FYN: variants seen among roughly 807,000 people sequenced by gnomAD.
The protein encoded by FYN is tyrosine-protein kinase Fyn.
FYN carries 10 observed loss-of-function variants against 70.2 expected under a neutral mutation model. The observed-to-expected ratio is 0.14, with a 90% CI of 0.09 to 0.24. The LOEUF (loss-of-function observed/expected upper bound fraction) is 0.24. Among genes scored for constraint, FYN ranks in the 10% least tolerant of loss-of-function variants. The pLI, the probability that FYN is intolerant of heterozygous loss-of-function variation, is 1.00. For synonymous variants in FYN, 236 were observed against 248.6 expected (o/e 0.95, Z 0.48); for missense variants, 319 against 673.1 (o/e 0.47, Z 5.82).
At chr6:111,762,637 A>G (rs1425180213) in intron 3 of FYN, among the ~76,000 whole-genome samples, 1 of 152,120 alleles carries the variant, frequency 6.6e-6, no homozygotes, top group Non-Finnish European at 1.5e-5. Context: ...ACCCTAACAT[A>G]TATTTCCCTG....
chr6:111,700,916 C>T (rs78077038), intron 8 of FYN, among the ~76,000 whole-genome samples: 7,815 of 151,588 alleles, frequency 0.052, 598 homozygotes, highest in African/African-American at 0.17. Context: ...GTGATTTCTT[C>T]GCTTTCTAAC....
At chr6:111,693,377 A>G (rs546854459) in intron 12 of FYN, among the ~76,000 whole-genome samples, 42 of 152,224 alleles carry the variant, frequency 2.8e-4, no homozygotes, top group Middle Eastern at 3.4e-3. Flanking sequence ...ACCAACAATG[A>G]AAGTTCCCCC....
At chr6:111,839,167 A>G in intron 2 of FYN, among the ~76,000 whole-genome samples, 1 of 152,064 alleles carries the variant, frequency 6.6e-6, no homozygotes, top group Middle Eastern at 3.2e-3. Flanking sequence ...ACAGCCACCT[A>G]TAGAAGAGTT....
At chr6:111,737,540 G>T (rs1261331782) in intron 3 of FYN, among the ~76,000 whole-genome samples, 2 of 152,206 alleles carry the variant, frequency 1.3e-5, no homozygotes, top group Admixed American at 1.3e-4. Flanking sequence ...GAAGGAAAGG[G>T]CGTGGAGCGT....
At chr6:111,828,011 C>T (rs1307687361) in intron 2 of FYN, among the ~76,000 whole-genome samples, 1 of 152,198 alleles carries the variant, frequency 6.6e-6, no homozygotes, top group African/African-American at 2.4e-5. Flanking sequence ...ATGGCCGCTT[C>T]ACTCCGTGTC....
At chr6:111,796,053 T>C (rs1771794590) in intron 2 of FYN, among the ~76,000 whole-genome samples, 1 of 152,262 alleles carries the variant, frequency 6.6e-6, no homozygotes, top group Admixed American at 6.5e-5. Context: ...GCTTAGACTC[T>C]ATCACTATTT....
chr6:111,761,035 T>C (rs1307977145), intron 3 of FYN, among the ~76,000 whole-genome samples: 1 of 152,180 alleles, frequency 6.6e-6, no homozygotes, highest in Admixed American at 6.5e-5. Flanking sequence ...CATTGTGAGA[T>C]GATGAAACTG....
chr6:111,733,862 C>A (rs970603607), intron 3 of FYN, among the ~76,000 whole-genome samples: 1 of 152,034 alleles, frequency 6.6e-6, no homozygotes, highest in East Asian at 1.9e-4. Flanking sequence ...CTGAGGTGGG[C>A]GGAATACTTG....
At chr6:111,687,650 G>C (rs947537336) in intron 12 of FYN, among the ~76,000 whole-genome samples, 1 of 151,876 alleles carries the variant, frequency 6.6e-6, no homozygotes, top group African/African-American at 2.4e-5. Flanking sequence ...GTCAGAGAGA[G>C]AGAGAGAGAG....
intron 13 of FYN, among the ~76,000 whole-genome samples, chr6:111,662,795 C>A (rs1043961199): frequency 6.6e-6 from 1 of 152,136 alleles, no homozygotes; most frequent in Non-Finnish European, 1.5e-5. Context: ...ACTGTCTGGC[C>A]CTGCAACCCC....
At chr6:111,872,877 G>GGCGGGGGCGGCGTGC (rs1174171598) in intron 1 of FYN, 91 bp downstream of exon 1, 12 of 151,144 alleles carry the variant, frequency 7.9e-5, no homozygotes, top group Admixed American at 7.3e-4. Context: ...CGGGCCCTGC[G>GGCGGGGGCGGCGTGC]GCGGGGGCGG....
At chr6:111,664,414 G>C (rs145214443) in intron 13 of FYN, among the ~76,000 whole-genome samples, 1 of 152,064 alleles carries the variant, frequency 6.6e-6, no homozygotes, top group Non-Finnish European at 1.5e-5. Flanking sequence ...TCCACAGAGC[G>C]CATGTCAGTA....
chr6:111,703,387 T>C (rs1219933443), intron 7 of FYN, among the ~76,000 whole-genome samples: 2 of 152,188 alleles, frequency 1.3e-5, no homozygotes, highest in Non-Finnish European at 1.5e-5. Context: ...TTGCTTCCCT[T>C]GTCTTCTCTA....
chr6:111,829,954 G>A (rs1371440248), intron 2 of FYN, among the ~76,000 whole-genome samples: 1 of 152,182 alleles, frequency 6.6e-6, no homozygotes, highest in Admixed American at 6.5e-5. Flanking sequence ...AGAAGATGAG[G>A]CTGCTCACAT....
intron 3 of FYN, among the ~76,000 whole-genome samples, chr6:111,773,397 A>G (rs1366248995): frequency 2.6e-3 from 3 of 1,170 alleles, no homozygotes; most frequent in Non-Finnish European, 4.7e-3. Flanking sequence ...AGGGGGAGGG[A>G]GGGAGGGAGG....
At chr6:111,671,423 C>T (rs1251418247) in intron 13 of FYN, among the ~76,000 whole-genome samples, 1 of 152,150 alleles carries the variant, frequency 6.6e-6, no homozygotes, top group East Asian at 1.9e-4. Context: ...GTCACCCCCT[C>T]CTCCCGCACC....
At chr6:111,837,928 C>T (rs999036049) in intron 2 of FYN, among the ~76,000 whole-genome samples, 2 of 152,190 alleles carry the variant, frequency 1.3e-5, no homozygotes, top group Admixed American at 6.5e-5. Flanking sequence ...CACTGATCCA[C>T]GCAGCATCTC....
chr6:111,675,826 T>A (rs2128412165), intron 12 of FYN, among the ~76,000 whole-genome samples: 1 of 150,684 alleles, frequency 6.6e-6, no homozygotes, highest in African/African-American at 2.4e-5. Context: ...AATAAATAAA[T>A]AAATAAATAA....
intron 3 of FYN, among the ~76,000 whole-genome samples, chr6:111,756,218 C>T (rs945169634): frequency 6.6e-6 from 1 of 151,842 alleles, no homozygotes; most frequent in Non-Finnish European, 1.5e-5. Context: ...GAAATATGTG[C>T]CATTAAGTTT....
Sources: allele counts gnomAD v4.1 joint callset (sites outside exome capture counted in the v4.1 genomes callset), GRCh38; gene constraint gnomAD v4.1.1; transcripts MANE v1.5; gene names NCBI Gene and HGNC (gene_info 2026-07-23, HGNC 2026-07-21).